Variants in EXOC6B observed in about 807,000 individuals in gnomAD.
EXOC6B encodes exocyst complex component 6B.
In EXOC6B, 54 loss-of-function variants were observed where a neutral mutation model predicts 113.5. That is an observed-to-expected ratio of 0.48 (90% confidence interval 0.38 to 0.60). The LOEUF is 0.60. EXOC6B is among the 20% of genes least tolerant of loss of function. The pLI is 0.00. For missense variants in EXOC6B, 797 were observed against 977.5 expected (o/e 0.82, Z 2.46); for synonymous variants, 357 against 339.0 (o/e 1.05, Z -0.58).
At chr2:72,372,761 C>T (rs1263637631) in intron 19 of EXOC6B, among the ~76,000 whole-genome samples, 2 of 151,872 alleles carry the variant, frequency 1.3e-5, no homozygotes, top group African/African-American at 4.8e-5. Flanking sequence ...AGGAGAATTG[C>T]TTGAACCTGG....
chr2:72,589,740 T>C (rs768383562), intron 6 of EXOC6B, among the ~76,000 whole-genome samples: 3 of 151,848 alleles, frequency 2.0e-5, no homozygotes, highest in Non-Finnish European at 4.4e-5. Flanking sequence ...TCCCCATGTC[T>C]ACTTACTCTC....
intron 18 of EXOC6B, among the ~76,000 whole-genome samples, chr2:72,388,650 G>A (rs1692196329): frequency 6.6e-6 from 1 of 152,028 alleles, no homozygotes; most frequent in Non-Finnish European, 1.5e-5. Flanking sequence ...TTACTGAAAA[G>A]ACTTAAAATT....
At chr2:72,359,098 T>C (rs1207178452) in intron 19 of EXOC6B, among the ~76,000 whole-genome samples, 1 of 152,244 alleles carries the variant, frequency 6.6e-6, no homozygotes, top group Non-Finnish European at 1.5e-5. Flanking sequence ...TCTTAGACTC[T>C]ATGAAATGCG....
At chr2:72,428,957 A>G (rs1231811013) in intron 18 of EXOC6B, among the ~76,000 whole-genome samples, 3 of 152,368 alleles carry the variant, frequency 2.0e-5, no homozygotes, top group Non-Finnish European at 4.4e-5. Context: ...AAAGTAAAAG[A>G]TGAAAGCAGA....
At chr2:72,242,074 G>T (rs1286512348) in intron 20 of EXOC6B, among the ~76,000 whole-genome samples, 1 of 152,028 alleles carries the variant, frequency 6.6e-6, no homozygotes, top group Non-Finnish European at 1.5e-5. Context: ...AGGCGTAGTG[G>T]CACACAGCTG....
chr2:72,733,026 G>A (rs1278201486), intron 3 of EXOC6B, 45 bp downstream of exon 3: 3 of 1,309,940 alleles, frequency 2.3e-6, no homozygotes, highest in Admixed American at 1.9e-5. Flanking sequence ...AAAAGAGAGT[G>A]GCATGAAACA....
At chr2:72,810,352 T>C (rs1388721062) in intron 1 of EXOC6B, among the ~76,000 whole-genome samples, 1 of 128,540 alleles carries the variant, frequency 7.8e-6, no homozygotes, top group East Asian at 2.0e-4. Flanking sequence ...AATAAATAAA[T>C]AAATAAATAA....
chr2:72,786,962 A>C (rs914236126), intron 1 of EXOC6B, among the ~76,000 whole-genome samples: 1 of 152,222 alleles, frequency 6.6e-6, no homozygotes, highest in Non-Finnish European at 1.5e-5. Context: ...CTTAATTTAA[A>C]TGCCAAATTG....
At chr2:72,193,021 C>A (rs1368352226) in intron 20 of EXOC6B, among the ~76,000 whole-genome samples, 1 of 152,122 alleles carries the variant, frequency 6.6e-6, no homozygotes, top group Non-Finnish European at 1.5e-5. Flanking sequence ...GAACACTAAC[C>A]CCAGAGCAGC....
intron 6 of EXOC6B, among the ~76,000 whole-genome samples, chr2:72,617,517 CTTTTTTTT>C (rs201912352): frequency 2.1e-5 from 2 of 96,954 alleles, no homozygotes; most frequent in Admixed American, 1.4e-4. Context: ...AATCTTTTTT[CTTTTTTTT>C]TTTTTTTTTT....
intron 18 of EXOC6B, among the ~76,000 whole-genome samples, chr2:72,433,256 C>G (rs1409911315): frequency 8.4e-6 from 1 of 118,936 alleles, no homozygotes; most frequent in Non-Finnish European, 1.6e-5. Context: ...CTCTTCTGTT[C>G]CATTGGTCTT....
intron 6 of EXOC6B, among the ~76,000 whole-genome samples, chr2:72,637,764 T>C (rs1055137977): frequency 1.8e-4 from 26 of 148,486 alleles, no homozygotes; most frequent in African/African-American, 6.3e-4. Flanking sequence ...CAGTACAGCC[T>C]GGGTGACACA....
chr2:72,460,830 C>A (rs1697594838), intron 18 of EXOC6B, among the ~76,000 whole-genome samples: 1 of 151,634 alleles, frequency 6.6e-6, no homozygotes, highest in Admixed American at 6.6e-5. Flanking sequence ...ACTAGAAATA[C>A]CATTTGACCC....
intron 6 of EXOC6B, among the ~76,000 whole-genome samples, chr2:72,583,442 G>C (rs534232062): frequency 1.3e-5 from 2 of 152,286 alleles, no homozygotes; most frequent in East Asian, 3.9e-4. Flanking sequence ...GAAAAATCTT[G>C]ATAGTAGCTA....
intron 6 of EXOC6B, among the ~76,000 whole-genome samples, chr2:72,648,307 T>C (rs542650053): frequency 3.3e-5 from 5 of 152,310 alleles, no homozygotes; most frequent in African/African-American, 4.8e-5. Flanking sequence ...TGTGGATAAA[T>C]AGGAACGCTT....
chr2:72,709,870 T>C (rs191872083), intron 6 of EXOC6B, among the ~76,000 whole-genome samples: 48 of 152,106 alleles, frequency 3.2e-4, no homozygotes, highest in African/African-American at 1.0e-3. Flanking sequence ...AAAATATAGC[T>C]TTAAAAAAAA....
chr2:72,538,257 A>C (rs1008555093), intron 8 of EXOC6B, among the ~76,000 whole-genome samples: 1 of 152,088 alleles, frequency 6.6e-6, no homozygotes, highest in Non-Finnish European at 1.5e-5. Context: ...GCCACTGCCC[A>C]AGAAATTTCT....
At chr2:72,817,693 A>G (rs1686331877) in intron 1 of EXOC6B, among the ~76,000 whole-genome samples, 1 of 152,220 alleles carries the variant, frequency 6.6e-6, no homozygotes, top group Admixed American at 6.5e-5. Flanking sequence ...CCCTATCCCA[A>G]TAATTGGCAT....
At chr2:72,745,359 C>T (rs1439996842) in intron 1 of EXOC6B, among the ~76,000 whole-genome samples, 1 of 152,052 alleles carries the variant, frequency 6.6e-6, no homozygotes, top group Non-Finnish European at 1.5e-5. Context: ...TCTGTTACTC[C>T]TATCTTAGGA....
Sources: gnomAD v4.1 joint callset for allele counts (sites outside exome capture counted in the v4.1 genomes callset) on GRCh38, gnomAD v4.1.1 for gene constraint, MANE v1.5 for transcripts, NCBI Gene and HGNC (gene_info 2026-07-23, HGNC 2026-07-21) for gene names.